The following GABARAPL1 variants were observed in gnomAD, a reference collection of about 807,000 sequenced individuals.
The protein encoded by GABARAPL1 is gamma-aminobutyric acid receptor-associated protein-like 1.
Under a neutral mutation model 14.5 loss-of-function variants are expected in GABARAPL1, and 4 were observed. The ratio of observed to expected loss-of-function variants is 0.28; its 90% CI spans 0.14 to 0.63. The LOEUF is 0.63. GABARAPL1 is among the 30% of genes least tolerant of loss of function. The probability of loss-of-function intolerance (pLI) is 0.84; values close to 1 mark genes in which losing one functional copy is unlikely to be tolerated. For synonymous variants in GABARAPL1, 47 were observed against 50.6 expected, an observed-to-expected ratio of 0.93 and a Z score of 0.30; for missense variants, 82 against 139.2, an observed-to-expected ratio of 0.59 and a Z score of 2.07.
intron 1 of GABARAPL1, among the ~76,000 whole-genome samples, chr12:10,216,322 G>A (rs996555742): frequency 6.6e-6 from 1 of 151,882 alleles, no homozygotes; most frequent in Non-Finnish European, 1.5e-5. Context: ...AGTGATCCGA[G>A]ATCAGGCCAC....
At chr12:10,220,864 T>C in intron 3 of GABARAPL1, 1 of 1,417,034 alleles carries the variant, frequency 7.1e-7, no homozygotes, top group Non-Finnish European at 9.2e-7. Flanking sequence ...TAGCAAAAGT[T>C]CCAAAGCGTC....
intron 1 of GABARAPL1, among the ~76,000 whole-genome samples, chr12:10,216,590 A>C (rs920531972): frequency 8.2e-6 from 1 of 121,544 alleles, no homozygotes; most frequent in Non-Finnish European, 1.6e-5. Context: ...CCCAGGCTGG[A>C]GTGTAGTGGC....
chr12:10,217,411 A>G (rs577968977), intron 1 of GABARAPL1, among the ~76,000 whole-genome samples: 11 of 151,950 alleles, frequency 7.2e-5, no homozygotes, highest in Admixed American at 6.5e-4. Flanking sequence ...ATATGAGAAA[A>G]CCCAGTTTTC....
rs1832740921 is a variant in GABARAPL1, at chr12:10,222,823, A to G, written c.*971A>G. 6.6e-6 allele frequency: 1 copy of G among 152,456 alleles called. No individual in the cohort carries two copies. The highest frequency in any genetic ancestry group is 2.1e-4 in the South Asian group (1 of 4,832). The allele number at this position is 152,456 out of a possible 1,614,324, so 9.4% of individuals were successfully genotyped here. On this transcript the variant is annotated 3_prime_UTR_variant, in exon 4 of 4. Coordinates refer to ENST00000266458, the MANE Select transcript of GABARAPL1 (RefSeq NM_031412.4). ...AGGCTCACATGCACAGGAATGCTAC[A>G]TGATGGCCAGCTGCTTCCCTCCTTG...
At chr12:10,220,713 A>G (rs1408236540) in intron 3 of GABARAPL1, 155 bp downstream of exon 3, 15 of 1,536,432 alleles carry the variant, frequency 9.8e-6, no homozygotes, top group Non-Finnish European at 1.3e-5. Flanking sequence ...AGGCTCTGAG[A>G]GATTAGATAC....
Position 10,212,896 on chromosome 12 carries a change from TA to T in GABARAPL1, c.-233del, listed in dbSNP as rs1949064854. 2 of 470,566 alleles carry T rather than the reference TA, an allele frequency of 4.3e-6. No homozygotes were observed. Among genetic ancestry groups the T allele is most frequent in the South Asian group, 4.7e-5 (2 of 42,606 alleles). The allele number at this position is 470,566 out of a possible 1,614,324, so 29.1% of individuals were successfully genotyped here. Reference sequence around the variant, plus strand: ...CCAGCTGTTTTTGTGCTCCCAGCTCTAGCGAAAAGCCGCCGGTATTTCTCCA... The same window carrying T: ...CCAGCTGTTTTTGTGCTCCCAGCTCTGCGAAAAGCCGCCGGTATTTCTCCA... On this transcript the variant is annotated 5_prime_UTR_variant, in exon 1 of 4. Coordinates refer to ENST00000266458, the MANE Select transcript of GABARAPL1 (RefSeq NM_031412.4).
chr12:10,216,391 A>G (rs959616385), intron 1 of GABARAPL1, among the ~76,000 whole-genome samples: 1 of 151,802 alleles, frequency 6.6e-6, no homozygotes, highest in Non-Finnish European at 1.5e-5. Flanking sequence ...AGTTACTGGA[A>G]TACTGAAGCT....
intron 3 of GABARAPL1, 192 bp downstream of exon 3, chr12:10,220,750 C>G (rs968775997): frequency 1.3e-6 from 2 of 1,506,888 alleles, no homozygotes; most frequent in African/African-American, 2.8e-5. Context: ...ATTAGCCACT[C>G]TACTAGATTT....
chr12:10,222,060 G>A lies in GABARAPL1; in HGVS notation c.*208G>A. On this transcript the variant is annotated 3_prime_UTR_variant, in exon 4 of 4. Coordinates refer to ENST00000266458, the MANE Select transcript of GABARAPL1 (RefSeq NM_031412.4). ...CTTCCTCGGCCCAGGGAGAAAGCAT[G>A]TCAGGACAGAGCTGTTGGATTGGCT... 1 of 576,722 alleles carries A rather than the reference G, an allele frequency of 1.7e-6. No individual in the cohort carries two copies. The highest frequency in any genetic ancestry group is 3.1e-6 in the Non-Finnish European group (1 of 319,688). The allele number at this position is 576,722 out of a possible 1,614,324, so 35.7% of individuals were successfully genotyped here. A position where few individuals can be genotyped will look rare whatever the true frequency, so the allele number is the denominator to read the frequency against.
intron 3 of GABARAPL1, 143 bp downstream of exon 3, chr12:10,220,701 T>A: frequency 6.5e-7 from 1 of 1,544,034 alleles, no homozygotes; most frequent in African/African-American, 1.4e-5. Context: ...TATGGCAGTG[T>A]AAGGCTCTGA....
chr12:10,222,919 A>G lies in GABARAPL1; in HGVS notation c.*1067A>G, dbSNP rs1308165958. 4 of 152,500 alleles carry G rather than the reference A, an allele frequency of 2.6e-5. No individual in the cohort carries two copies. The highest frequency in any genetic ancestry group is 2.6e-4 in the Admixed American group (4 of 15,264). 9.4% of individuals were successfully genotyped at this position (152,500 alleles called of 1,614,324 possible). A position where few individuals can be genotyped will look rare whatever the true frequency, so the allele number is the denominator to read the frequency against. The stretch of plus-strand genomic sequence containing the variant: ...ACTTTTAGTAAATCATGGGGATTTT[A>G]TTGATTTATTTTCACTTTTGGGATT... On this transcript the variant is annotated 3_prime_UTR_variant, in exon 4 of 4. Coordinates refer to ENST00000266458, the MANE Select transcript of GABARAPL1 (RefSeq NM_031412.4).
chr12:10,215,349 G>T lies in GABARAPL1; in HGVS notation c.90+2130G>T, dbSNP rs11835087. 7.8e-3 allele frequency among the ~76,000 whole-genome samples: 1,188 copies of T among 152,316 alleles called. 9 individuals carry two copies. Among genetic ancestry groups the T allele is most frequent in the African/African-American group, 0.026 (1,100 of 41,556 alleles). ...GAGGTGTGCTTGTGCCTTCAGAGAGGAAGGGTTGGTGGGATCTTGAAATTA... is the reference window on the plus strand; with the variant it reads ...GAGGTGTGCTTGTGCCTTCAGAGAGTAAGGGTTGGTGGGATCTTGAAATTA... On this transcript the variant is annotated intron_variant, in intron 1 of 3. Coordinates refer to ENST00000266458, the MANE Select transcript of GABARAPL1 (RefSeq NM_031412.4).
intron 3 of GABARAPL1, chr12:10,221,574 C>T: frequency 2.1e-6 from 1 of 477,754 alleles, no homozygotes; most frequent in Non-Finnish European, 2.7e-6. Flanking sequence ...ATCCCTGATA[C>T]CTATGTGTAA....
intron 2 of GABARAPL1, 132 bp from the exon 3 acceptor site, chr12:10,220,308 C>G (rs1949113250): frequency 7.7e-7 from 1 of 1,293,862 alleles, no homozygotes; most frequent in African/African-American, 1.5e-5. Flanking sequence ...TGGCTCTTCT[C>G]AGATGGTATA....
intron 1 of GABARAPL1, chr12:10,213,975 G>T: frequency 2.3e-6 from 1 of 435,806 alleles, no homozygotes; most frequent in Non-Finnish European, 4.6e-6. Context: ...ACCGCAGGCA[G>T]TGAGTAGGAA....
intron 3 of GABARAPL1, chr12:10,221,303 A>G (rs1164777357): frequency 1.0e-6 from 1 of 972,144 alleles, no homozygotes; most frequent in Non-Finnish European, 1.2e-6. Context: ...TGAGGAAACT[A>G]TAGTGAAGGA....
At chr12:10,220,637 A>G in intron 3 of GABARAPL1, 79 bp downstream of exon 3, 1 of 1,603,004 alleles carries the variant, frequency 6.2e-7, no homozygotes, top group Non-Finnish European at 8.5e-7. Flanking sequence ...AGATGCGTTG[A>G]TAACACATCT....
At position 10,221,674 on chromosome 12, in the gene GABARAPL1, A is replaced by G. The variant is rs78452572; in HGVS notation, c.289-113A>G. 2.1e-4 allele frequency: 260 copies of G among 1,218,408 alleles called. 1 individual carries two copies. The African/African-American group carries it at 3.3e-3, about 15-fold the overall frequency. 75.5% of individuals were successfully genotyped at this position (1,218,408 alleles called of 1,614,324 possible). ...TCCCTATCCTTTGCTCCTCTTTTAA[A>G]TGGGGACTAATGATACCTTCCATAC... On this transcript the variant is annotated intron_variant, in intron 3 of 3. Transcript: ENST00000266458.
intron 1 of GABARAPL1, among the ~76,000 whole-genome samples, chr12:10,215,877 TGTTTTG>T (rs1168563328): frequency 1.5e-5 from 2 of 137,376 alleles, no homozygotes; most frequent in African/African-American, 5.2e-5. Context: ...CTTTTTGTTT[TGTTTTG>T]TTTTTGTTTT....
Sources: gnomAD v4.1 joint callset for allele counts (sites outside exome capture counted in the v4.1 genomes callset) on GRCh38, gnomAD v4.1.1 for gene constraint, MANE v1.5 for transcripts, NCBI Gene and HGNC (gene_info 2026-07-23, HGNC 2026-07-21) for gene names.